Variants in NECAB1 observed in about 807,000 individuals in gnomAD.
The protein encoded by NECAB1 is N-terminal EF-hand calcium-binding protein 1.
Under a neutral mutation model 57.5 loss-of-function variants are expected in NECAB1, and 29 were observed. That is an observed-to-expected ratio of 0.50 (90% confidence interval 0.38 to 0.69). The LOEUF (loss-of-function observed/expected upper bound fraction) is 0.69. Ranked by LOEUF, NECAB1 falls within the 30% of genes least tolerant of loss-of-function variation. The pLI is 0.00. For missense variants in NECAB1, 372 were observed against 413.8 expected, an observed-to-expected ratio of 0.90 and a Z score of 0.88; for synonymous variants, 142 against 147.7, an observed-to-expected ratio of 0.96 and a Z score of 0.28.
rs1809579737 is a variant in NECAB1, at chr8:90,904,269, A to T, written c.358-13223A>T. Among the ~76,000 whole-genome samples, 3 of 152,264 alleles carry T rather than the reference A, an allele frequency of 2.0e-5. No individual in the cohort carries two copies. In the South Asian group the frequency reaches 6.2e-4, roughly 32 times the overall value. Reference sequence around the variant, plus strand: ...GCAAGGAATATGTACTGAAAGCAAAAAAAAAAATCTCAAAACATACTTCAG... The same window carrying T: ...GCAAGGAATATGTACTGAAAGCAAATAAAAAAATCTCAAAACATACTTCAG... On this transcript the variant is annotated intron_variant, in intron 5 of 12. Transcript: ENST00000417640.
chr8:90,870,136 C>T (rs13268798), intron 3 of NECAB1, among the ~76,000 whole-genome samples: 74,498 of 151,944 alleles, frequency 0.49, 23,073 homozygotes, highest in African/African-American at 0.85. Flanking sequence ...CCTTCTGCCA[C>T]GATTGTAAGT....
chr8:90,922,486 A>ATTTGTTTTTTTTTTTTTTTTTTTTTTT (rs1810140385), intron 6 of NECAB1, among the ~76,000 whole-genome samples: 1 of 57,520 alleles, frequency 1.7e-5, no homozygotes, highest in Non-Finnish European at 3.3e-5. Flanking sequence ...AAAAACTTGG[A>ATTTGTTTTTTTTTTTTTTTTTTTTTTT]TTTTTTTTTT....
At chr8:90,930,423 C>G (rs779236563) in intron 8 of NECAB1, among the ~76,000 whole-genome samples, 4 of 152,106 alleles carry the variant, frequency 2.6e-5, no homozygotes, top group Non-Finnish European at 5.9e-5. Context: ...AGAAGGTGAA[C>G]TAGTGTTTTT....
intron 2 of NECAB1, among the ~76,000 whole-genome samples, chr8:90,811,302 G>A (rs748826400): frequency 3.6e-5 from 5 of 138,082 alleles, no homozygotes; most frequent in South Asian, 2.6e-4. Context: ...CTGCTACAGC[G>A]AAGAGCTACA....
At chr8:90,863,223 G>A (rs1254945986) in intron 3 of NECAB1, among the ~76,000 whole-genome samples, 1 of 152,078 alleles carries the variant, frequency 6.6e-6, no homozygotes, top group East Asian at 1.9e-4. Context: ...TGGTGACAAA[G>A]ACTGATTTCT....
intron 1 of NECAB1, among the ~76,000 whole-genome samples, 198 bp downstream of exon 1, chr8:90,792,183 T>A (rs984057908): frequency 6.6e-6 from 1 of 152,228 alleles, no homozygotes; most frequent in African/African-American, 2.4e-5. Context: ...GCTTGTGGCT[T>A]AACACCCTTA....
At chr8:90,872,212 T>G in intron 4 of NECAB1, 59 bp downstream of exon 4, 2 of 1,305,580 alleles carry the variant, frequency 1.5e-6, no homozygotes, top group Non-Finnish European at 2.1e-6. Context: ...AAAAAGAGTA[T>G]TGTCTGATAT....
At chr8:90,931,161 A>G (rs971325783) in intron 8 of NECAB1, among the ~76,000 whole-genome samples, 2 of 152,162 alleles carry the variant, frequency 1.3e-5, no homozygotes, top group African/African-American at 4.8e-5. Flanking sequence ...GGTTTTCAGC[A>G]TGGGGCTCCA....
At chr8:90,911,540 A>C (rs1180101126) in intron 5 of NECAB1, among the ~76,000 whole-genome samples, 1 of 152,136 alleles carries the variant, frequency 6.6e-6, no homozygotes, top group Non-Finnish European at 1.5e-5. Flanking sequence ...TAAACTTGAC[A>C]CTCCTCAAAC....
At chr8:90,848,709 G>C (rs2129768120) in intron 3 of NECAB1, among the ~76,000 whole-genome samples, 1 of 152,306 alleles carries the variant, frequency 6.6e-6, no homozygotes, top group South Asian at 2.1e-4. Flanking sequence ...ATCAGTCCAA[G>C]TGCAATGGCT....
chr8:90,896,527 C>G (rs561539354), intron 5 of NECAB1, among the ~76,000 whole-genome samples: 1 of 152,146 alleles, frequency 6.6e-6, no homozygotes, highest in South Asian at 2.1e-4. Context: ...ATGGCGGGAA[C>G]CCGGGAGGCG....
At chr8:90,817,640 C>A (rs1434417286) in intron 2 of NECAB1, among the ~76,000 whole-genome samples, 1 of 151,610 alleles carries the variant, frequency 6.6e-6, no homozygotes, top group East Asian at 1.9e-4. Flanking sequence ...ATCAATTCAG[C>A]CTTCCATACC....
chr8:90,890,425 A>C (rs1246634343), intron 5 of NECAB1, among the ~76,000 whole-genome samples: 1 of 152,164 alleles, frequency 6.6e-6, no homozygotes, highest in Non-Finnish European at 1.5e-5. Flanking sequence ...GAGTCAATTA[A>C]ATGTCTTTTC....
intron 3 of NECAB1, among the ~76,000 whole-genome samples, chr8:90,827,712 A>T (rs1246541312): frequency 6.6e-6 from 1 of 151,996 alleles, no homozygotes; most frequent in Non-Finnish European, 1.5e-5. Context: ...TTATCTCATG[A>T]AAATACTCTT....
chr8:90,848,152 CA>C (rs1812604326), intron 3 of NECAB1, among the ~76,000 whole-genome samples: 1 of 152,186 alleles, frequency 6.6e-6, no homozygotes, highest in African/African-American at 2.4e-5. Flanking sequence ...TCATCTCTCT[CA>C]AGTTCAAAAT....
intron 10 of NECAB1, among the ~76,000 whole-genome samples, chr8:90,943,084 CTACTT>C (rs1329045557): frequency 6.6e-6 from 1 of 152,100 alleles, no homozygotes; most frequent in Non-Finnish European, 1.5e-5. Context: ...TTCAGAAACA[CTACTT>C]TAATGGGTGT....
intron 5 of NECAB1, among the ~76,000 whole-genome samples, chr8:90,913,778 A>C (rs1359899651): frequency 6.6e-6 from 1 of 152,180 alleles, no homozygotes; most frequent in African/African-American, 2.4e-5. Flanking sequence ...CATCTGCTGC[A>C]TATCTGAGAA....
intron 5 of NECAB1, among the ~76,000 whole-genome samples, chr8:90,896,137 G>A (rs1204870362): frequency 6.6e-6 from 1 of 152,084 alleles, no homozygotes; most frequent in Non-Finnish European, 1.5e-5. Flanking sequence ...CATAAAAACG[G>A]CACTTACTAA....
Position 90,957,345 on chromosome 8 carries a change from A to C in NECAB1, c.*1833A>C, listed in dbSNP as rs1287000836. 1 of 151,932 alleles carries C rather than the reference A, an allele frequency of 6.6e-6. No individual in the cohort carries two copies. The highest frequency in any genetic ancestry group is 2.4e-5 in the African/African-American group (1 of 41,434). 9.4% of individuals were successfully genotyped at this position (151,932 alleles called of 1,614,324 possible). ...AAAAAGCATATCAAATATTTTGGGT[A>C]CTAGGCAGTTTCCAAAGTAGCATGG... On this transcript the variant is annotated 3_prime_UTR_variant, in exon 13 of 13. Transcript: ENST00000417640.
Sources: gnomAD v4.1 joint callset for allele counts (sites outside exome capture counted in the v4.1 genomes callset) on GRCh38, gnomAD v4.1.1 for gene constraint, MANE v1.5 for transcripts, NCBI Gene and HGNC (gene_info 2026-07-23, HGNC 2026-07-21) for gene names.